ZC3H12C: variants seen among roughly 807,000 people sequenced by gnomAD.
The protein encoded by ZC3H12C is zinc finger CCCH-type containing 12C.
Under a neutral mutation model 76.3 loss-of-function variants are expected in ZC3H12C, and 20 were observed. The observed-to-expected ratio is 0.26, with a 90% CI of 0.18 to 0.38. The LOEUF (loss-of-function observed/expected upper bound fraction) is 0.38. Ranked by LOEUF, ZC3H12C falls within the 10% of genes least tolerant of loss-of-function variation. The pLI is 1.00. For missense variants in ZC3H12C, 874 were observed against 1,086.5 expected, an observed-to-expected ratio of 0.80 and a Z score of 2.75; for synonymous variants, 352 against 399.6, an observed-to-expected ratio of 0.88 and a Z score of 1.42.
chr11:110,117,730 A>AT (rs1237059250), intron 1 of ZC3H12C, among the ~76,000 whole-genome samples: 3 of 115,928 alleles, frequency 2.6e-5, no homozygotes, highest in African/African-American at 6.1e-5. Context: ...ACACATATAT[A>AT]TATACACACA....
At chr11:110,096,024 T>A (rs767107774) in intron 1 of ZC3H12C, among the ~76,000 whole-genome samples, 2 of 152,246 alleles carry the variant, frequency 1.3e-5, no homozygotes, top group Non-Finnish European at 2.9e-5. Context: ...AAAAAGCTTC[T>A]TGTGTTTTAA....
intron 1 of ZC3H12C, among the ~76,000 whole-genome samples, chr11:110,098,467 G>A (rs1420477175): frequency 6.6e-6 from 1 of 152,156 alleles, no homozygotes; most frequent in Non-Finnish European, 1.5e-5. Flanking sequence ...TAGCCTAAGT[G>A]TAGAGTGTTT....
intron 1 of ZC3H12C, among the ~76,000 whole-genome samples, chr11:110,103,523 G>A (rs1284878329): frequency 6.6e-6 from 1 of 152,038 alleles, no homozygotes; most frequent in Non-Finnish European, 1.5e-5. Context: ...CAACTGTATT[G>A]GGTATGTACT....
intron 1 of ZC3H12C, among the ~76,000 whole-genome samples, chr11:110,130,521 A>G (rs1326895842): frequency 2.6e-5 from 4 of 152,222 alleles, no homozygotes; most frequent in Non-Finnish European, 5.9e-5. Context: ...GGATTACTGC[A>G]ATAGTTAATT....
intron 1 of ZC3H12C, among the ~76,000 whole-genome samples, chr11:110,115,748 C>CTTTTTTTTTTTTTTTTTTTTTTT (rs71476067): frequency 2.5e-5 from 3 of 120,320 alleles, no homozygotes; most frequent in Non-Finnish European, 3.4e-5. Context: ...TTCTCATTTT[C>CTTTTTTTTTTTTTTTTTTTTTTT]TTTTTTTTTT....
At chr11:110,131,353 A>T in intron 1 of ZC3H12C, 1 of 468,816 alleles carries the variant, frequency 2.1e-6, no homozygotes, top group Non-Finnish European at 3.7e-6. Flanking sequence ...GGCATTAGGC[A>T]TGGCGTATAA....
intron 2 of ZC3H12C, among the ~76,000 whole-genome samples, chr11:110,144,645 T>C (rs1441831890): frequency 1.3e-5 from 2 of 152,214 alleles, no homozygotes; most frequent in African/African-American, 2.4e-5. Context: ...ACGTATTATA[T>C]AAGTTTTAGA....
intron 1 of ZC3H12C, among the ~76,000 whole-genome samples, chr11:110,127,463 GT>G (rs1359588524): frequency 2.0e-5 from 3 of 152,038 alleles, no homozygotes; most frequent in Non-Finnish European, 4.4e-5. Flanking sequence ...TTTTGTTGTT[GT>G]TGGTGGTGGT....
intron 2 of ZC3H12C, among the ~76,000 whole-genome samples, chr11:110,146,310 A>G (rs1170881310): frequency 6.6e-6 from 1 of 152,188 alleles, no homozygotes; most frequent in Non-Finnish European, 1.5e-5. Flanking sequence ...TTAACGGGTC[A>G]GGCTAAAACA....
intron 2 of ZC3H12C, among the ~76,000 whole-genome samples, chr11:110,152,242 C>A: frequency 6.6e-6 from 1 of 152,234 alleles, no homozygotes; most frequent in East Asian, 1.9e-4. Flanking sequence ...ACTAAGGCTG[C>A]TAATCCAATT....
chr11:110,114,316 T>G, intron 1 of ZC3H12C, among the ~76,000 whole-genome samples: 1 of 152,212 alleles, frequency 6.6e-6, no homozygotes, highest in East Asian at 1.9e-4. Flanking sequence ...TCAGTTTATA[T>G]GTCACCTCTC....
chr11:110,094,683 A>C (rs1036354927), intron 1 of ZC3H12C, among the ~76,000 whole-genome samples: 2 of 152,212 alleles, frequency 1.3e-5, no homozygotes, highest in Non-Finnish European at 2.9e-5. Flanking sequence ...TAGCTTCATC[A>C]AACATTGGTA....
At chr11:110,153,745 T>G (rs1862319869) in intron 3 of ZC3H12C, among the ~76,000 whole-genome samples, 1 of 152,198 alleles carries the variant, frequency 6.6e-6, no homozygotes, top group Non-Finnish European at 1.5e-5. Flanking sequence ...TGACATTAGG[T>G]GGCAGTCAGA....
At chr11:110,114,850 GA>G (rs560896550) in intron 1 of ZC3H12C, among the ~76,000 whole-genome samples, 49 of 152,184 alleles carry the variant, frequency 3.2e-4, no homozygotes, top group South Asian at 2.1e-4. Flanking sequence ...ATTTTAGGGG[GA>G]AAAATATTAT....
At chr11:110,095,385 A>G (rs1861094910) in intron 1 of ZC3H12C, among the ~76,000 whole-genome samples, 1 of 152,272 alleles carries the variant, frequency 6.6e-6, no homozygotes, top group Non-Finnish European at 1.5e-5. Context: ...TGTTGCTGTT[A>G]TAACTTCTTA....
chr11:110,139,371 G>A (rs1405404132), intron 2 of ZC3H12C, among the ~76,000 whole-genome samples: 1 of 152,200 alleles, frequency 6.6e-6, no homozygotes, highest in Non-Finnish European at 1.5e-5. Context: ...AGCTGGCTCT[G>A]TAATCCAAGG....
chr11:110,156,265 A>C (rs1784657), intron 3 of ZC3H12C, among the ~76,000 whole-genome samples: 149,851 of 152,224 alleles, frequency 0.98, 73,807 homozygotes, highest in East Asian at 1. Flanking sequence ...TTTCACTGCA[A>C]CAAAAAAGAC....
intron 1 of ZC3H12C, among the ~76,000 whole-genome samples, chr11:110,132,916 G>T (rs1432067015): frequency 6.6e-6 from 1 of 151,880 alleles, no homozygotes; most frequent in Non-Finnish European, 1.5e-5. Context: ...TGTTGTTAAT[G>T]GTCTTTTCCG....
intron 1 of ZC3H12C, among the ~76,000 whole-genome samples, chr11:110,111,575 C>G (rs181207682): frequency 3.3e-5 from 5 of 151,734 alleles, no homozygotes; most frequent in Admixed American, 2.0e-4. Flanking sequence ...TTGGTCACCC[C>G]AGCTGGAGTG....
Sources: gnomAD v4.1 joint callset for allele counts (sites outside exome capture counted in the v4.1 genomes callset) on GRCh38, gnomAD v4.1.1 for gene constraint, MANE v1.5 for transcripts, NCBI Gene and HGNC (gene_info 2026-07-23, HGNC 2026-07-21) for gene names.